The following TMPRSS12 variants were observed in gnomAD, a reference collection of about 807,000 sequenced individuals.
The protein encoded by TMPRSS12 is transmembrane serine protease 12.
A neutral mutation model predicts 26.0 loss-of-function variants in TMPRSS12; 25 were observed. That is an observed-to-expected ratio of 0.96 (90% CI 0.70 to 1.34). TMPRSS12 has a LOEUF of 1.34. TMPRSS12 is among the 40% of genes most tolerant of loss of function. The pLI is 0.00. For synonymous variants in TMPRSS12, 150 were observed against 161.7 expected (o/e 0.93, Z 0.55); for missense variants, 441 against 440.1 (o/e 1.00, Z -0.02).
chr12:50,863,104 G>A (rs557825212), intron 3 of TMPRSS12, among the ~76,000 whole-genome samples: 4 of 152,018 alleles, frequency 2.6e-5, no homozygotes, highest in South Asian at 2.1e-4. Context: ...CCAGGAGTTC[G>A]AGGTTATGGT....
At chr12:50,875,735 C>A (rs1434819857) in intron 3 of TMPRSS12, among the ~76,000 whole-genome samples, 1 of 152,042 alleles carries the variant, frequency 6.6e-6, no homozygotes, top group Non-Finnish European at 1.5e-5. Context: ...ATCCTATCAC[C>A]ATATGCAAAA....
At chr12:50,881,815 C>A (rs1938165853) in intron 3 of TMPRSS12, among the ~76,000 whole-genome samples, 1 of 150,470 alleles carries the variant, frequency 6.6e-6, no homozygotes, top group Non-Finnish European at 1.5e-5. Context: ...ACCAAAAATA[C>A]AAAAAATTAG....
intron 3 of TMPRSS12, among the ~76,000 whole-genome samples, chr12:50,880,163 A>C (rs1212363570): frequency 6.6e-6 from 1 of 151,494 alleles, no homozygotes; most frequent in Non-Finnish European, 1.5e-5. Context: ...TTGGGAGGCC[A>C]AGGTGAAAGG....
chr12:50,885,824 C>CTTTTTT (rs398019534), intron 4 of TMPRSS12: 1 of 186,310 alleles, frequency 5.4e-6, no homozygotes, highest in Non-Finnish European at 1.1e-5. Context: ...CCCGGCCATT[C>CTTTTTT]TTTTTTTTTT....
At chr12:50,847,057 C>CTCTTTT (rs1555205380) in intron 2 of TMPRSS12, among the ~76,000 whole-genome samples, 1 of 109,920 alleles carries the variant, frequency 9.1e-6, no homozygotes, top group African/African-American at 3.9e-5. Context: ...AGTCTAAAAA[C>CTCTTTT]TTTTTTTTTT....
rs1472795286 is a variant in TMPRSS12 at position 50,887,490 on chromosome 12, G to T, written c.1024G>T (p.Val342Phe). Residue 342 changes from valine to phenylalanine, a missense_variant, in exon 5 of 5, where the codon GTC (valine) becomes TTC (phenylalanine). Transcript: ENST00000398458. ...CCAGATCCTCATAGCTTTATGTTTT[G>T]TCATCTTACTAGCAACAACATAAAG... ...RGQILIALCFVILLATT is the reference protein window; with the variant it reads ...RGQILIALCFFILLATT The T allele has an allele frequency of 6.2e-7, 1 of 1,612,762 alleles. No homozygotes were observed. The highest frequency in any genetic ancestry group is 1.7e-5 in the Admixed American group (1 of 59,816).
chr12:50,847,452 T>G (rs1437877214), intron 2 of TMPRSS12, among the ~76,000 whole-genome samples: 1 of 152,076 alleles, frequency 6.6e-6, no homozygotes, highest in Non-Finnish European at 1.5e-5. Flanking sequence ...GGTGGTTCTG[T>G]CATCCTTTTG....
rs552165133 is a variant in TMPRSS12 at position 50,876,677 on chromosome 12, G to A, written c.653-8569G>A. 3.3e-3 allele frequency among the ~76,000 whole-genome samples: 502 copies of A among 151,956 alleles called. 5 individuals are homozygous for A. The highest frequency in any genetic ancestry group is 0.011 in the African/African-American group (460 of 41,468). On this transcript the variant is annotated intron_variant, in intron 3 of 4. Transcript: ENST00000398458. ...AAATTAGCTGGGTGTGGTGGCGGGC[G>A]CCTGTAGTCCCAGCTACTCAGGAGG...
At chr12:50,853,466 C>T (rs2139722210) in intron 2 of TMPRSS12, among the ~76,000 whole-genome samples, 1 of 149,818 alleles carries the variant, frequency 6.7e-6, no homozygotes, top group African/African-American at 2.4e-5. Context: ...AAGAATTAAC[C>T]AAAATCACAG....
intron 2 of TMPRSS12, among the ~76,000 whole-genome samples, chr12:50,857,796 TGTTGTTGTTGTC>T (rs1159502519): frequency 6.9e-4 from 103 of 150,042 alleles, no homozygotes; most frequent in African/African-American, 7.5e-4. Context: ...TTTTTGTTGT[TGTTGTTGTTGTC>T]GTTGTTGTCG....
At chr12:50,859,299 T>C (rs1428432472) in intron 3 of TMPRSS12, among the ~76,000 whole-genome samples, 1 of 151,514 alleles carries the variant, frequency 6.6e-6, no homozygotes, top group Non-Finnish European at 1.5e-5. Flanking sequence ...CACTGCAGCC[T>C]CCACCTCCCA....
chr12:50,858,120 G>A (rs569077137), intron 2 of TMPRSS12, among the ~76,000 whole-genome samples: 57 of 152,316 alleles, frequency 3.7e-4, no homozygotes, highest in African/African-American at 1.4e-3. Flanking sequence ...GGGATTACAG[G>A]CGTGAGCCAC....
chr12:50,875,961 C>T (rs977623148), intron 3 of TMPRSS12, among the ~76,000 whole-genome samples: 22 of 152,170 alleles, frequency 1.4e-4, no homozygotes, highest in African/African-American at 5.3e-4. Flanking sequence ...ACAGAGGAAA[C>T]AGACAACCTA....
At chr12:50,878,532 C>T (rs953249787) in intron 3 of TMPRSS12, among the ~76,000 whole-genome samples, 12 of 152,104 alleles carry the variant, frequency 7.9e-5, no homozygotes, top group African/African-American at 2.9e-4. Flanking sequence ...GAGCCATGAT[C>T]ATGTCACTGC....
intron 1 of TMPRSS12, among the ~76,000 whole-genome samples, chr12:50,843,581 T>A (rs1043309021): frequency 6.6e-6 from 1 of 152,150 alleles, no homozygotes; most frequent in African/African-American, 2.4e-5. Flanking sequence ...TGGCCAAAAA[T>A]TTTTATTTTT....
At chr12:50,859,327 T>C (rs973072878) in intron 3 of TMPRSS12, among the ~76,000 whole-genome samples, 1 of 152,004 alleles carries the variant, frequency 6.6e-6, no homozygotes, top group African/African-American at 2.4e-5. Flanking sequence ...GTGATTCTCC[T>C]GCCTCAGCCT....
chr12:50,851,394 C>T (rs829129), intron 2 of TMPRSS12, among the ~76,000 whole-genome samples: 98,556 of 151,992 alleles, frequency 0.65, 32,257 homozygotes, highest in Non-Finnish European at 0.7. Context: ...AAAAAGAACT[C>T]ACAAGAATTT....
intron 2 of TMPRSS12, among the ~76,000 whole-genome samples, chr12:50,852,680 C>A (rs1937837228): frequency 6.6e-6 from 1 of 152,096 alleles, no homozygotes; most frequent in Non-Finnish European, 1.5e-5. Context: ...ACCGGAATTA[C>A]AGGCATGAGC....
chr12:50,865,024 T>G (rs1937977864), intron 3 of TMPRSS12, among the ~76,000 whole-genome samples: 3 of 152,098 alleles, frequency 2.0e-5, no homozygotes, highest in Admixed American at 2.0e-4. Flanking sequence ...AAAACGTAAT[T>G]GCTAGTATTT....
Sources: allele counts gnomAD v4.1 joint callset (sites outside exome capture counted in the v4.1 genomes callset), GRCh38; gene constraint gnomAD v4.1.1; transcripts MANE v1.5; gene names NCBI Gene and HGNC (gene_info 2026-07-23, HGNC 2026-07-21).